The following PAPPA2 variants were observed in gnomAD, a reference collection of about 807,000 sequenced individuals.
PAPPA2 encodes the protein pappalysin-2.
PAPPA2 carries 86 observed loss-of-function variants against 176.4 expected under a neutral mutation model. That is an observed-to-expected ratio of 0.49 (90% CI 0.41 to 0.58). The LOEUF is 0.58. Ranked by LOEUF, PAPPA2 falls within the 20% of genes least tolerant of loss-of-function variation. The probability of loss-of-function intolerance (pLI) is 0.00; values close to 1 mark genes in which losing one functional copy is unlikely to be tolerated. For missense variants in PAPPA2, 2,073 were observed against 2,256.9 expected (o/e 0.92, Z 1.65); for synonymous variants, 809 against 852.2 (o/e 0.95, Z 0.88).
chr1:176,688,954 A>G (rs1573256137), intron 4 of PAPPA2, among the ~76,000 whole-genome samples: 1 of 152,156 alleles, frequency 6.6e-6, no homozygotes, highest in South Asian at 2.1e-4. Context: ...CTCCTGGAGG[A>G]CCTGCTATAC....
At chr1:176,741,477 C>T (rs1055457393) in intron 14 of PAPPA2, among the ~76,000 whole-genome samples, 6 of 152,138 alleles carry the variant, frequency 3.9e-5, no homozygotes, top group Admixed American at 2.0e-4. Context: ...ACGGTGAACA[C>T]GTGAGAGACT....
intron 12 of PAPPA2, among the ~76,000 whole-genome samples, chr1:176,729,426 C>T (rs1662028438): frequency 6.6e-6 from 1 of 151,984 alleles, no homozygotes; most frequent in African/African-American, 2.4e-5. Flanking sequence ...GACATGTCCC[C>T]TCTCCCACTT....
intron 2 of PAPPA2, among the ~76,000 whole-genome samples, chr1:176,582,366 G>A (rs979508226): frequency 1.3e-5 from 2 of 152,116 alleles, no homozygotes; most frequent in Admixed American, 6.5e-5. Context: ...AATAAGAGTG[G>A]TGAAAGTGGG....
chr1:176,476,169 C>G (rs1312274962), intron 1 of PAPPA2, among the ~76,000 whole-genome samples: 2 of 152,164 alleles, frequency 1.3e-5, no homozygotes, highest in African/African-American at 4.8e-5. Flanking sequence ...AAAATCCAGT[C>G]TCAAGAAAGC....
rs145903704 is a variant in PAPPA2, at chr1:176,764,402, T to C, written c.4152-1264T>C. ...GTAGAGGAATAACAACTCTGTGAGG[T>C]TGCCATAATTATCCCCGTCTTATAG... On this transcript the variant is annotated intron_variant, in intron 14 of 22. Coordinates refer to ENST00000367662, the MANE Select transcript of PAPPA2 (RefSeq NM_020318.3). Among the ~76,000 whole-genome samples the C allele has an allele frequency of 1.6e-4, 25 of 152,152 alleles. No homozygotes were observed. In the East Asian group the frequency reaches 4.6e-3, roughly 28 times the overall value.
chr1:176,575,411 C>T (rs1000314611), intron 2 of PAPPA2, among the ~76,000 whole-genome samples: 1 of 152,214 alleles, frequency 6.6e-6, no homozygotes, highest in Non-Finnish European at 1.5e-5. Flanking sequence ...TCTGCCATGT[C>T]TTACCTCTGA....
chr1:176,655,773 A>T (rs1016610204), intron 3 of PAPPA2, among the ~76,000 whole-genome samples: 7 of 151,972 alleles, frequency 4.6e-5, no homozygotes, highest in African/African-American at 1.7e-4. Flanking sequence ...AAAAGCTCTG[A>T]CATCACCAGC....
chr1:176,731,836 A>C (rs1662173099), intron 12 of PAPPA2, among the ~76,000 whole-genome samples: 1 of 152,084 alleles, frequency 6.6e-6, no homozygotes, highest in Non-Finnish European at 1.5e-5. Context: ...TTGCAGAAAA[A>C]AATAGAACAA....
chr1:176,811,809 A>T (rs1666162599), intron 21 of PAPPA2, among the ~76,000 whole-genome samples: 1 of 152,156 alleles, frequency 6.6e-6, no homozygotes, highest in South Asian at 2.1e-4. Flanking sequence ...TCAACTTCAG[A>T]TTCTCCAGCT....
At chr1:176,484,784 CT>C (rs1652574260) in intron 1 of PAPPA2, among the ~76,000 whole-genome samples, 1 of 152,182 alleles carries the variant, frequency 6.6e-6, no homozygotes, top group African/African-American at 2.4e-5. Flanking sequence ...GAACCTTTAG[CT>C]TATTAATCAT....
intron 2 of PAPPA2, among the ~76,000 whole-genome samples, chr1:176,561,250 A>G (rs1191729714): frequency 6.6e-6 from 1 of 152,254 alleles, no homozygotes; most frequent in Non-Finnish European, 1.5e-5. Context: ...AAAAAGCTCC[A>G]AAAAATGAAA....
chr1:176,484,685 A>G (rs1254488664), intron 1 of PAPPA2, among the ~76,000 whole-genome samples: 1 of 152,074 alleles, frequency 6.6e-6, no homozygotes, highest in Non-Finnish European at 1.5e-5. Flanking sequence ...GATTTCTAGC[A>G]TTTCTTCTTG....
At chr1:176,828,217 AT>A (rs1199877638) in intron 21 of PAPPA2, among the ~76,000 whole-genome samples, 4 of 151,820 alleles carry the variant, frequency 2.6e-5, no homozygotes, top group African/African-American at 7.3e-5. Context: ...GCCAGTTTTT[AT>A]TTTTTTTCAC....
At chr1:176,788,134 G>A (rs1302525966) in intron 17 of PAPPA2, among the ~76,000 whole-genome samples, 1 of 152,144 alleles carries the variant, frequency 6.6e-6, no homozygotes, top group African/African-American at 2.4e-5. Flanking sequence ...GTTATCGAAT[G>A]TGCCTTGCAA....
chr1:176,564,722 CTT>C (rs71299415), intron 2 of PAPPA2, among the ~76,000 whole-genome samples: 12 of 133,908 alleles, frequency 9.0e-5, no homozygotes, highest in Non-Finnish European at 8.0e-5. Context: ...CTTTCCTTTT[CTT>C]TTTTTTTTTT....
chr1:176,635,907 C>T (rs10913224), intron 3 of PAPPA2, among the ~76,000 whole-genome samples: 26,525 of 151,924 alleles, frequency 0.17, 2,464 homozygotes, highest in Middle Eastern at 0.23. Context: ...CATGGCACCT[C>T]GCACAGTGCT....
chr1:176,762,442 T>G (rs1395160595), intron 14 of PAPPA2, among the ~76,000 whole-genome samples: 1 of 152,194 alleles, frequency 6.6e-6, no homozygotes, highest in African/African-American at 2.4e-5. Flanking sequence ...TGTCTCAACA[T>G]GTATTTGTCC....
At chr1:176,649,619 A>G (rs1020913438) in intron 3 of PAPPA2, among the ~76,000 whole-genome samples, 2 of 151,378 alleles carry the variant, frequency 1.3e-5, no homozygotes, top group African/African-American at 4.8e-5. Flanking sequence ...CATTTGTTTT[A>G]AGAAATTTTT....
chr1:176,641,726 T>A (rs373504132), intron 3 of PAPPA2, among the ~76,000 whole-genome samples: 3 of 152,134 alleles, frequency 2.0e-5, no homozygotes, highest in East Asian at 3.9e-4. Context: ...ACTCTTCTCC[T>A]ATTTTTTGAC....
Sources: gnomAD v4.1 joint callset for allele counts (sites outside exome capture counted in the v4.1 genomes callset) on GRCh38, gnomAD v4.1.1 for gene constraint, MANE v1.5 for transcripts, NCBI Gene and HGNC (gene_info 2026-07-23, HGNC 2026-07-21) for gene names.